KDM3A: variants seen among roughly 807,000 people sequenced by gnomAD.
The protein encoded by KDM3A is lysine-specific demethylase 3A.
A neutral mutation model predicts 158.0 loss-of-function variants in KDM3A; 60 were observed. The ratio of observed to expected loss-of-function variants is 0.38; its 90% CI spans 0.31 to 0.47. The LOEUF (loss-of-function observed/expected upper bound fraction) is 0.47, where lower values mean the gene tolerates loss of function less well. KDM3A is among the 20% of genes least tolerant of loss of function. The probability of loss-of-function intolerance (pLI) is 0.99; values close to 1 mark genes in which losing one functional copy is unlikely to be tolerated. For missense variants in KDM3A, 1,319 were observed against 1,574.3 expected, an observed-to-expected ratio of 0.84 and a Z score of 2.74; for synonymous variants, 608 against 549.3, an observed-to-expected ratio of 1.11 and a Z score of -1.49.
At position 86,466,423 on chromosome 2, in the gene KDM3A, G is replaced by A; in HGVS notation, c.1059G>A (p.Lys353=). The part of the protein sequence containing the change: ...PEEISSCLNT[K]SEALRTKPDV... ...AAATTTCTTCCTGTCTAAATACAAA[G>A]TCTGAAGCTCTGAGAACAAAACCAG... Residue 353 remains lysine (K), a synonymous_variant, in exon 10 of 26, where the codon AAG becomes AAA. Coordinates refer to ENST00000312912, the MANE Select transcript of KDM3A (RefSeq NM_018433.6). 6.2e-7 allele frequency: 1 copy of A among 1,613,754 alleles called. No homozygotes were observed. Among genetic ancestry groups the A allele is most frequent in the Non-Finnish European group, 8.5e-7 (1 of 1,179,770 alleles).
Position 86,489,319 on chromosome 2 carries a change from A to G in KDM3A, c.3315A>G (p.Gly1105=). ...ACTTAAGGCACTTTGTTTTTGCAGG[A>G]TTAATCACTCCTGAAGATCGGAAAT... ...DLGPKMYNAY[G]LITPEDRKYG... The change falls in exon 22 of 26, where the codon GGA becomes GGG. Residue 1105 remains glycine (G), a splice_region_variant and synonymous_variant. Transcript: ENST00000312912. The G allele has an allele frequency of 3.1e-6, 5 of 1,612,926 alleles. No homozygotes were observed. The highest frequency in any genetic ancestry group is 4.2e-6 in the Non-Finnish European group (5 of 1,179,554).
Position 86,451,155 on chromosome 2 carries a change from G to A in KDM3A, c.395G>A (p.Arg132His), listed in dbSNP as rs754148984. 3.7e-6 allele frequency: 6 copies of A among 1,612,020 alleles called. No individual in the cohort carries two copies. Among genetic ancestry groups the A allele is most frequent in the African/African-American group, 1.3e-5 (1 of 74,900 alleles). ...GGTTTGGGATCCATAACTTCTGTTC[G>A]CTTTCTGGGAGATCAACAAAGAGTA... The part of the protein sequence containing the change: ...KAGLGSITSV[R>H]FLGDQQRVFL... Residue 132 changes from arginine to histidine, a missense_variant, in exon 4 of 26, where the codon CGC becomes CAC. By Grantham distance (29) the Arg-to-His change is conservative. Around this residue, in one of 4 missense-constraint regions of KDM3A, gnomAD observed 652 missense variants for 627.2 expected, o/e 1.04. Transcript: ENST00000312912.
intron 3 of KDM3A, among the ~76,000 whole-genome samples, chr2:86,450,497 A>C (rs768854380): frequency 1.1e-4 from 17 of 152,328 alleles, no homozygotes; most frequent in Non-Finnish European, 1.2e-4. Context: ...ACTATAAGTC[A>C]GTATATGATT....
rs764242332 is a variant in KDM3A, at chr2:86,474,890, T to A, written c.1839T>A (p.Ile613=). Reference sequence around the variant, plus strand: ...CTTTAACCAAAAACGTTGTGGGGATTGATTTGGACACAGCAAAGTACATCT... The same window carrying A: ...CTTTAACCAAAAACGTTGTGGGGATAGATTTGGACACAGCAAAGTACATCT... ...WLPLTKNVVG[I]DLDTAKYILA... is the part of the protein sequence containing the mutation. The change falls in exon 12 of 26, where the codon ATT becomes ATA. Residue 613 remains isoleucine (I), a synonymous_variant. Coordinates refer to ENST00000312912, the MANE Select transcript of KDM3A (RefSeq NM_018433.6). 1 of 1,614,036 alleles carries A rather than the reference T, an allele frequency of 6.2e-7. No individual in the cohort carries two copies. The highest frequency in any genetic ancestry group is 1.1e-5 in the South Asian group (1 of 91,078).
At chr2:86,473,685 G>T (rs1673517380) in intron 11 of KDM3A, among the ~76,000 whole-genome samples, 1 of 152,112 alleles carries the variant, frequency 6.6e-6, no homozygotes, top group African/African-American at 2.4e-5. Context: ...GGGAGTGGGG[G>T]TTGCCATGAG....
intron 17 of KDM3A, 98 bp downstream of exon 17, chr2:86,482,200 C>T: frequency 2.2e-6 from 3 of 1,348,164 alleles, no homozygotes; most frequent in Non-Finnish European, 3.2e-6. Flanking sequence ...GAGACTGAAT[C>T]ACATACTTAC....
chr2:86,470,164 A>T, intron 10 of KDM3A, 40 bp from the exon 11 acceptor site: 1 of 1,567,136 alleles, frequency 6.4e-7, no homozygotes, highest in South Asian at 1.1e-5. Context: ...TGATTTTTAA[A>T]AATTTGAGGT....
chr2:86,471,382 T>A (rs1304980158), intron 11 of KDM3A, among the ~76,000 whole-genome samples: 1 of 151,788 alleles, frequency 6.6e-6, no homozygotes, highest in Non-Finnish European at 1.5e-5. Flanking sequence ...TGTATATATA[T>A]GTGTGTATAT....
intron 3 of KDM3A, among the ~76,000 whole-genome samples, chr2:86,450,462 T>C (rs1672404950): frequency 1.3e-5 from 2 of 152,180 alleles, no homozygotes; most frequent in African/African-American, 2.4e-5. Context: ...CCCTCTGGAT[T>C]ATTATATTTT....
chr2:86,466,531 C>CTGT lies in KDM3A; in HGVS notation c.1168_1170dup (p.Cys390dup). The stretch of plus-strand genomic sequence containing the variant: ...AAATTCTGACTGAGCCAAAAGGCAG[C>CTGT]TGTACTCAGCCTAAGACAAACACTG... On this transcript the variant is annotated inframe_insertion, in exon 10 of 26. Coordinates refer to ENST00000312912, the MANE Select transcript of KDM3A (RefSeq NM_018433.6). The CTGT allele has an allele frequency of 1.2e-6, 2 of 1,613,938 alleles. No individual in the cohort carries two copies. Among genetic ancestry groups the CTGT allele is most frequent in the Non-Finnish European group, 1.7e-6 (2 of 1,179,866 alleles).
Position 86,442,193 on chromosome 2 carries a change from G to A in KDM3A, c.146G>A (p.Arg49Gln), listed in dbSNP as rs1296001453. 2 of 1,613,036 alleles carry A rather than the reference G, an allele frequency of 1.2e-6. No homozygotes were observed. The highest frequency in any genetic ancestry group is 1.7e-6 in the Non-Finnish European group (2 of 1,179,536). The change falls in exon 2 of 26, where the codon CGA becomes CAA. Residue 49 changes from arginine (R) to glutamine (Q), a missense_variant. Physicochemically the swap from Arg to Gln is conservative, Grantham distance 43. Around this residue, in one of 4 missense-constraint regions of KDM3A, gnomAD observed 652 missense variants for 627.2 expected, o/e 1.04. Coordinates refer to ENST00000312912, the MANE Select transcript of KDM3A (RefSeq NM_018433.6). ...TGGCCCTGGCTCTCCGGGACCATTC[G>A]AGCTGTTTCCCACACCGACGTTACC... Reference protein sequence around the residue: ...AEWPWLSGTIRAVSHTDVTKK... With the variant: ...AEWPWLSGTIQAVSHTDVTKK...
rs572206443 is a variant in KDM3A at position 86,466,760 on chromosome 2, A to G, written c.1396A>G (p.Asn466Asp). The change falls in exon 10 of 26, where the codon AAC becomes GAC. Residue 466 changes from asparagine to aspartate, a missense_variant. This residue lies in a region of KDM3A where 652 missense variants were observed against 627.2 expected (regional missense o/e 1.04). Transcript: ENST00000312912. ...KAGVNSDSPN[N>D]CSGKKVEPSA... is the part of the protein sequence containing the mutation. Reference sequence around the variant, plus strand: ...AGGTGTCAATAGTGATAGCCCTAATAACTGTTCAGGAAAAAAGGTAGAACC... The same window carrying G: ...AGGTGTCAATAGTGATAGCCCTAATGACTGTTCAGGAAAAAAGGTAGAACC... The G allele has an allele frequency of 1.9e-6, 3 of 1,613,844 alleles. No homozygotes were observed. The highest frequency in any genetic ancestry group is 1.3e-5 in the African/African-American group (1 of 75,018).
intron 8 of KDM3A, among the ~76,000 whole-genome samples, chr2:86,461,414 G>A (rs1195111260): frequency 6.6e-6 from 1 of 152,094 alleles, no homozygotes; most frequent in East Asian, 1.9e-4. Flanking sequence ...AAGACTTATT[G>A]ATTTATAGCT....
intron 8 of KDM3A, among the ~76,000 whole-genome samples, chr2:86,458,794 C>T (rs1221300001): frequency 2.0e-5 from 3 of 152,050 alleles, no homozygotes; most frequent in Non-Finnish European, 4.4e-5. Flanking sequence ...GGGTTTTATG[C>T]TGCAGATGAA....
chr2:86,454,194 A>G (rs1213182972), intron 4 of KDM3A, among the ~76,000 whole-genome samples: 1 of 152,226 alleles, frequency 6.6e-6, no homozygotes, highest in Non-Finnish European at 1.5e-5. Context: ...TCTGTGTGAA[A>G]TGAGTTGTTA....
chr2:86,491,397 G>A (rs1476412506), intron 25 of KDM3A, 122 bp downstream of exon 25: 40 of 957,330 alleles, frequency 4.2e-5, no homozygotes, highest in Non-Finnish European at 5.1e-5. Context: ...AGTGAGTCGA[G>A]GAACTTGCTT....
intron 9 of KDM3A, among the ~76,000 whole-genome samples, chr2:86,465,313 A>G (rs1673087403): frequency 2.0e-5 from 3 of 152,108 alleles, no homozygotes; most frequent in South Asian, 4.1e-4. Context: ...ACAAGAATGA[A>G]ATTATTCTCT....
At chr2:86,458,372 G>A (rs1280905648) in intron 8 of KDM3A, among the ~76,000 whole-genome samples, 1 of 152,206 alleles carries the variant, frequency 6.6e-6, no homozygotes. Flanking sequence ...GACCTCTTGA[G>A]GCTCAGGTTG....
intron 8 of KDM3A, among the ~76,000 whole-genome samples, chr2:86,461,901 G>C (rs554442871): frequency 7.2e-5 from 11 of 152,104 alleles, no homozygotes; most frequent in South Asian, 2.1e-4. Context: ...GAAAGAGATG[G>C]GGGGAGGAGG....
Sources: allele counts gnomAD v4.1 joint callset (sites outside exome capture counted in the v4.1 genomes callset), GRCh38; gene constraint gnomAD v4.1.1; regional missense constraint gnomAD v4.1.1; transcripts MANE v1.5; gene names NCBI Gene and HGNC (gene_info 2026-07-23, HGNC 2026-07-21).